Variants in WDR25 observed in about 807,000 individuals in gnomAD.
The protein encoded by WDR25 is WD repeat domain 25.
In WDR25, 35 loss-of-function variants were observed where a neutral mutation model predicts 47.7. The observed-to-expected ratio is 0.73, with a 90% CI of 0.56 to 0.97. WDR25 has a LOEUF of 0.97. Ranked by LOEUF, WDR25 falls within the 50% of genes least tolerant of loss-of-function variation. WDR25 has a pLI of 0.00. For synonymous variants in WDR25, 248 were observed against 278.9 expected (o/e 0.89, Z 1.10); for missense variants, 634 against 704.7 (o/e 0.90, Z 1.14).
At chr14:100,398,513 G>A (rs1897308781) in intron 2 of WDR25, among the ~76,000 whole-genome samples, 1 of 151,840 alleles carries the variant, frequency 6.6e-6, no homozygotes, top group South Asian at 2.1e-4. Flanking sequence ...TCAGATTTAT[G>A]GAAGAGTTAT....
chr14:100,418,295 A>G (rs190646215), intron 2 of WDR25, among the ~76,000 whole-genome samples: 44 of 151,540 alleles, frequency 2.9e-4, no homozygotes, highest in African/African-American at 9.7e-4. Context: ...GATACACACA[A>G]TGTCACCTAG....
intron 2 of WDR25, among the ~76,000 whole-genome samples, chr14:100,399,078 T>A (rs1897319745): frequency 6.9e-6 from 1 of 145,722 alleles, no homozygotes; most frequent in African/African-American, 2.8e-5. Context: ...TTCTCATTCC[T>A]TTTTTCTTTT....
chr14:100,453,932 A>G (rs1275566393), intron 2 of WDR25, among the ~76,000 whole-genome samples: 2 of 152,376 alleles, frequency 1.3e-5, no homozygotes, highest in South Asian at 2.1e-4. Flanking sequence ...AATTCTCTGT[A>G]TAATGAATGT....
chr14:100,469,505 C>A (rs1899757523), intron 3 of WDR25, among the ~76,000 whole-genome samples: 2 of 152,164 alleles, frequency 1.3e-5, no homozygotes, highest in African/African-American at 4.8e-5. Flanking sequence ...TGGTGCATAG[C>A]CAGCAGGGAT....
intron 2 of WDR25, among the ~76,000 whole-genome samples, chr14:100,431,432 A>G (rs748191174): frequency 1.5e-4 from 23 of 152,346 alleles, no homozygotes; most frequent in Non-Finnish European, 2.6e-4. Flanking sequence ...CCTTCTTTAT[A>G]TATTCGGAAA....
chr14:100,436,461 A>C (rs1038617536), intron 2 of WDR25, among the ~76,000 whole-genome samples: 1 of 152,254 alleles, frequency 6.6e-6, no homozygotes, highest in Non-Finnish European at 1.5e-5. Flanking sequence ...AAATAGTTTC[A>C]CATTGAGCTT....
In WDR25 at chr14:100,529,887, A is replaced by G. The variant is rs1376760149; in HGVS notation, c.1481A>G (p.Asp494Gly). Residue 494 changes from aspartate to glycine, a missense_variant, in exon 7 of 7, where the codon GAT (aspartate) becomes GGT (glycine). By Grantham distance (94) the Asp-to-Gly change is moderately conservative. Coordinates refer to ENST00000402312, the MANE Select transcript of WDR25 (RefSeq NM_001161476.3). This position sits in a 1 kb window ranked among gnomAD's most constrained non-coding sequence, Gnocchi z 5.1. ...GACTTGCTGGTGACGGGCAGCGCCG[A>G]TGGCCGGGTCCTGATGTACAGCTTC... Reference protein sequence around the residue: ...GGDLLVTGSADGRVLMYSFRT... With the variant: ...GGDLLVTGSAGGRVLMYSFRT... 1 of 1,613,282 alleles carries G rather than the reference A, an allele frequency of 6.2e-7. No individual in the cohort carries two copies. The highest frequency in any genetic ancestry group is 1.1e-5 in the South Asian group (1 of 91,076).
At chr14:100,484,825 G>A (rs1223033687) in intron 4 of WDR25, among the ~76,000 whole-genome samples, 1 of 152,032 alleles carries the variant, frequency 6.6e-6, no homozygotes, top group African/African-American at 2.4e-5. Flanking sequence ...ATTGTCTCTC[G>A]CTGGGATGGT....
At chr14:100,463,416 G>A (rs1899495964) in intron 2 of WDR25, among the ~76,000 whole-genome samples, 1 of 151,998 alleles carries the variant, frequency 6.6e-6, no homozygotes, top group South Asian at 2.1e-4. Context: ...ACGCTTCCAG[G>A]ACTTTCCTCT....
rs1304953859 is a variant in WDR25 at position 100,415,243 on chromosome 14, A to C, written c.822+33497A>C. 2.0e-5 allele frequency among the ~76,000 whole-genome samples: 3 copies of C among 152,338 alleles called. No individual in the cohort carries two copies. The East Asian group carries it at 5.8e-4, about 29-fold the overall frequency. On this transcript the variant is annotated intron_variant, in intron 2 of 6. Coordinates refer to ENST00000402312, the MANE Select transcript of WDR25 (RefSeq NM_001161476.3). The stretch of plus-strand genomic sequence containing the variant: ...TGTTAACTTAATTTCTCTGAGGCTC[A>C]CTTCTATTCTGTCCAGCAAGACAGG...
chr14:100,495,953 T>C (rs553674222), intron 4 of WDR25, among the ~76,000 whole-genome samples: 154 of 152,374 alleles, frequency 1.0e-3, no homozygotes, highest in African/African-American at 3.4e-3. Flanking sequence ...TTTCTCATGG[T>C]TCTTCCTAGA....
rs2030067212 is a variant in WDR25, at chr14:100,525,336, T to C, written c.1102-534T>C. Among the ~76,000 whole-genome samples the C allele has an allele frequency of 6.6e-6, 1 of 152,244 alleles. No individual in the cohort carries two copies. The highest frequency in any genetic ancestry group is 6.5e-5 in the Admixed American group (1 of 15,286). On this transcript the variant is annotated intron_variant, in intron 4 of 6. Coordinates refer to ENST00000402312, the MANE Select transcript of WDR25 (RefSeq NM_001161476.3). This position sits in a 1 kb window ranked among gnomAD's most constrained non-coding sequence, Gnocchi z 4.6. ...ACAGCAGACTGTGAAGTATCGGTGA[T>C]GATGCTAAAACAATACAAAGTGTCG...
chr14:100,475,042 C>T (rs1369199121), intron 3 of WDR25, among the ~76,000 whole-genome samples: 1 of 152,142 alleles, frequency 6.6e-6, no homozygotes, highest in Non-Finnish European at 1.5e-5. Flanking sequence ...AGAAAAAATG[C>T]TCAACATCTG....
chr14:100,442,094 G>A (rs1379154924), intron 2 of WDR25, among the ~76,000 whole-genome samples: 1 of 152,238 alleles, frequency 6.6e-6, no homozygotes, highest in Non-Finnish European at 1.5e-5. Context: ...AGCTTTGACT[G>A]TGGCCAGAGC....
intron 4 of WDR25, among the ~76,000 whole-genome samples, chr14:100,516,822 A>G (rs1010506597): frequency 8.5e-5 from 13 of 152,162 alleles, no homozygotes; most frequent in Non-Finnish European, 1.5e-4. Context: ...CTGAAAGCCA[A>G]TTGGACAATC....
At position 100,376,570 on chromosome 14, in the gene WDR25, T is replaced by TA. The variant is rs1409954386; in HGVS notation, c.-16+77dup. 126 of 1,231,876 alleles carry TA rather than the reference T, an allele frequency of 1.0e-4. No homozygotes were observed. The East Asian group carries it at 3.1e-3, about 30-fold the overall frequency. The allele number at this position is 1,231,876 out of a possible 1,614,324, so 76.3% of individuals were successfully genotyped here. On this transcript the variant is annotated intron_variant, in intron 1 of 6. Coordinates refer to ENST00000402312, the MANE Select transcript of WDR25 (RefSeq NM_001161476.3). ...AGCGCCTAAAGCGCCCCGTGCCGCT[T>TA]AACGCGGTCTCTCATAGCCGCTCGC...
chr14:100,452,652 A>G (rs770225430), intron 2 of WDR25, among the ~76,000 whole-genome samples: 8 of 152,088 alleles, frequency 5.3e-5, no homozygotes, highest in Non-Finnish European at 8.8e-5. Context: ...CAGGTGACAC[A>G]AGATTTATTC....
intron 2 of WDR25, among the ~76,000 whole-genome samples, chr14:100,456,677 A>G (rs2140276267): frequency 6.6e-6 from 1 of 152,350 alleles, no homozygotes; most frequent in East Asian, 1.9e-4. Flanking sequence ...GAAGTCATAG[A>G]AGCTATCCAA....
intron 2 of WDR25, among the ~76,000 whole-genome samples, chr14:100,441,229 CTTCT>C (rs1472530857): frequency 2.0e-5 from 3 of 152,164 alleles, no homozygotes; most frequent in Non-Finnish European, 2.9e-5. Flanking sequence ...TGCTGAGCTC[CTTCT>C]GTGTGCCAGG....
Sources: gnomAD v4.1 joint callset for allele counts (sites outside exome capture counted in the v4.1 genomes callset) on GRCh38, gnomAD v4.1.1 for gene constraint, Gnocchi (gnomAD v3.1) non-coding constraint, MANE v1.5 for transcripts, NCBI Gene and HGNC (gene_info 2026-07-23, HGNC 2026-07-21) for gene names.